Variants in IFT74 observed in about 807,000 individuals in gnomAD.
IFT74 encodes the protein intraflagellar transport protein 74 homolog.
A neutral mutation model predicts 96.7 loss-of-function variants in IFT74; 92 were observed. The observed-to-expected ratio is 0.95, with a 90% confidence interval of 0.80 to 1.13. The LOEUF is 1.13. Ranked by LOEUF, IFT74 falls within the 50% of genes most tolerant of loss-of-function variation. The pLI, the probability that IFT74 is intolerant of heterozygous loss-of-function variation, is 0.00. For missense variants in IFT74, 811 were observed against 698.2 expected (o/e 1.16, Z -1.82); for synonymous variants, 223 against 213.2 (o/e 1.05, Z -0.40).
At chr9:27,022,646 C>CT (rs112202812) in intron 12 of IFT74, among the ~76,000 whole-genome samples, 30,504 of 141,698 alleles carry the variant, frequency 0.22, 4,053 homozygotes, top group East Asian at 0.7. Flanking sequence ...TTCTTGATTT[C>CT]TTTTTTTTTT....
intron 2 of IFT74, among the ~76,000 whole-genome samples, chr9:26,964,319 C>G (rs1346642292): frequency 1.3e-5 from 2 of 148,938 alleles, no homozygotes; most frequent in African/African-American, 2.5e-5. Flanking sequence ...TTCCATTGAT[C>G]TATATCTCTG....
chr9:27,025,252 G>A (rs1193741854), intron 12 of IFT74, among the ~76,000 whole-genome samples: 1 of 151,882 alleles, frequency 6.6e-6, no homozygotes, highest in African/African-American at 2.4e-5. Flanking sequence ...AGAGCAGCCT[G>A]GCCAATAAGG....
In IFT74 at chr9:27,065,501, T is replaced by C. The variant is rs1039931258; in HGVS notation, c.*2765T>C. Among the ~76,000 whole-genome samples, 2 of 152,168 alleles carry C rather than the reference T, an allele frequency of 1.3e-5. No individual in the cohort carries two copies. Among genetic ancestry groups the C allele is most frequent in the Non-Finnish European group, 2.9e-5 (2 of 68,004 alleles). On this transcript the variant is annotated 3_prime_UTR_variant, in exon 20 of 20. Transcript: ENST00000380062. The stretch of plus-strand genomic sequence containing the variant: ...ATCAACATGGGAAAGTTAGCAAGTC[T>C]TTGTTTTTCCCATCCTTATCTTTTA...
chr9:27,014,220 A>G (rs992004086), intron 10 of IFT74, among the ~76,000 whole-genome samples: 7 of 152,202 alleles, frequency 4.6e-5, no homozygotes, highest in Admixed American at 3.3e-4. Flanking sequence ...GTCTAAAAAA[A>G]GTAAAAAAAA....
intron 12 of IFT74, among the ~76,000 whole-genome samples, chr9:27,026,945 C>A (rs1316584405): frequency 1.1e-4 from 2 of 17,862 alleles, no homozygotes; most frequent in African/African-American, 4.4e-4. Context: ...AAAACCCAAA[C>A]CCACCAAAAG....
At chr9:26,954,327 A>G (rs948561571), upstream of IFT74, among the ~76,000 whole-genome samples, 1 of 152,182 alleles carries the variant, frequency 6.6e-6, no homozygotes, top group South Asian at 2.1e-4. Flanking sequence ...AACTTCCCAC[A>G]AGAACAGTCC....
At chr9:26,989,187 G>A (rs973446957) in intron 7 of IFT74, among the ~76,000 whole-genome samples, 7 of 152,180 alleles carry the variant, frequency 4.6e-5, no homozygotes, top group Admixed American at 1.3e-4. Context: ...TGTTTAACAT[G>A]GACATAACAC....
At chr9:26,991,408 C>T (rs959670960) in intron 8 of IFT74, among the ~76,000 whole-genome samples, 3 of 151,936 alleles carry the variant, frequency 2.0e-5, no homozygotes, top group South Asian at 4.2e-4. Flanking sequence ...CTTGGGGAGA[C>T]AGGGTCTTAT....
chr9:26,996,069 CG>C (rs2131567446), intron 8 of IFT74, among the ~76,000 whole-genome samples: 1 of 152,160 alleles, frequency 6.6e-6, no homozygotes, highest in East Asian at 1.9e-4. Context: ...GATTTATACT[CG>C]TTAAGATTTG....
At chr9:27,000,745 C>T (rs188403626) in intron 8 of IFT74, among the ~76,000 whole-genome samples, 2 of 152,214 alleles carry the variant, frequency 1.3e-5, no homozygotes, top group Admixed American at 6.5e-5. Context: ...ACCTAGGTGA[C>T]GGGTTGATCT....
intron 14 of IFT74, among the ~76,000 whole-genome samples, chr9:27,045,855 TA>T (rs1819677147): frequency 2.6e-5 from 4 of 152,168 alleles, no homozygotes; most frequent in South Asian, 2.1e-4. Context: ...ATCTCAAAAA[TA>T]TTTTTTTAAG....
chr9:27,034,547 A>T (rs1830264010), intron 13 of IFT74, among the ~76,000 whole-genome samples: 1 of 152,110 alleles, frequency 6.6e-6, no homozygotes, highest in Non-Finnish European at 1.5e-5. Flanking sequence ...ATGTATTTTG[A>T]GACGGAGTTT....
intron 18 of IFT74, among the ~76,000 whole-genome samples, chr9:27,059,628 A>C (rs1820327328): frequency 6.6e-6 from 1 of 152,162 alleles, no homozygotes; most frequent in Admixed American, 6.5e-5. Flanking sequence ...TGTCTGGGGG[A>C]GATTGATGTG....
chr9:27,047,370 G>A lies in IFT74; in HGVS notation c.1205G>A (p.Arg402Gln), dbSNP rs770965923. The A allele has an allele frequency of 4.4e-6, 7 of 1,590,400 alleles. No homozygotes were observed. The highest frequency in any genetic ancestry group is 1.7e-4 in the Middle Eastern group (1 of 6,010). ...GTTGCACTCTTGGAGCACTGCAGTCGAGTGAGTACCATGTGCCTGTCTTGG... is the reference window on the plus strand; with the variant it reads ...GTTGCACTCTTGGAGCACTGCAGTCAAGTGAGTACCATGTGCCTGTCTTGG... ...NIVALLEHCSRNINRIEQISS... is the reference protein window; with the variant it reads ...NIVALLEHCSQNINRIEQISS... Residue 402 changes from arginine to glutamine, a missense_variant and splice_region_variant, in exon 15 of 20, where the codon CGA (arginine) becomes CAA (glutamine). Coordinates refer to ENST00000380062, the MANE Select transcript of IFT74 (RefSeq NM_025103.4).
intron 3 of IFT74, among the ~76,000 whole-genome samples, chr9:26,979,956 C>G (rs1490838675): frequency 6.6e-6 from 1 of 151,962 alleles, no homozygotes; most frequent in East Asian, 1.9e-4. Context: ...CTCAAGGGAT[C>G]CTCCCACCTC....
In IFT74 at chr9:27,058,841, A is replaced by C. The variant is rs147365934; in HGVS notation, c.1624-1750A>C. On this transcript the variant is annotated intron_variant, in intron 18 of 19. Coordinates refer to ENST00000380062, the MANE Select transcript of IFT74 (RefSeq NM_025103.4). ...AGAAATCACTAATTTACATAATTCA[A>C]ATTTACCAGTTATTCTGTTCTACTT... is the stretch of plus-strand genomic sequence containing the variant. Among the ~76,000 whole-genome samples, 246 of 152,338 alleles carry C rather than the reference A, an allele frequency of 1.6e-3. 2 individuals are homozygous for C. Among genetic ancestry groups the C allele is most frequent in the African/African-American group, 5.8e-3 (240 of 41,578 alleles).
chr9:27,011,985 A>AT lies in IFT74; in HGVS notation c.789+18dup. ...CTGGAAGCAGTAAGTATAAAATCAA[A>AT]TAAGGGTTCTCATACTACTCAGCTA... is the stretch of plus-strand genomic sequence containing the variant. On this transcript the variant is annotated intron_variant, in intron 10 of 19. Coordinates refer to ENST00000380062, the MANE Select transcript of IFT74 (RefSeq NM_025103.4). 6.5e-7 allele frequency: 1 copy of AT among 1,534,476 alleles called. No homozygotes were observed. The highest frequency in any genetic ancestry group is 1.4e-5 in the African/African-American group (1 of 71,682).
At chr9:27,049,713 A>G (rs1306428588) in intron 16 of IFT74, among the ~76,000 whole-genome samples, 1 of 152,212 alleles carries the variant, frequency 6.6e-6, no homozygotes, top group Non-Finnish European at 1.5e-5. Flanking sequence ...CTATGATAGA[A>G]GTAAGCATAA....
Position 27,060,658 on chromosome 9 carries a change from T to C in IFT74, c.1684+7T>C. ...AATTTTGCGATGAAAGAATGTATCC[T>C]TTAAAAAGCTGAAAATGGGGCCGGG... On this transcript the variant is annotated splice_region_variant and intron_variant, in intron 19 of 19. Transcript: ENST00000380062. The C allele has an allele frequency of 1.3e-6, 2 of 1,594,108 alleles. No homozygotes were observed. The highest frequency in any genetic ancestry group is 1.7e-6 in the Non-Finnish European group (2 of 1,167,158).
Sources: gnomAD v4.1 joint callset for allele counts (sites outside exome capture counted in the v4.1 genomes callset) on GRCh38, gnomAD v4.1.1 for gene constraint, MANE v1.5 for transcripts, NCBI Gene and HGNC (gene_info 2026-07-23, HGNC 2026-07-21) for gene names.